The following KIAA0825 variants were observed in gnomAD, a reference collection of about 807,000 sequenced individuals.
KIAA0825 encodes the protein KIAA0825.
Under a neutral mutation model 147.6 loss-of-function variants are expected in KIAA0825, and 119 were observed. That is an observed-to-expected ratio of 0.81 (90% CI 0.69 to 0.94). The LOEUF (loss-of-function observed/expected upper bound fraction) is 0.94, where lower values mean the gene tolerates loss of function less well. Among genes scored for constraint, KIAA0825 ranks in the 40% least tolerant of loss-of-function variants. KIAA0825 has a pLI of 0.00. For missense variants in KIAA0825, 1,381 were observed against 1,472.7 expected, an observed-to-expected ratio of 0.94 and a Z score of 1.02; for synonymous variants, 470 against 518.1, an observed-to-expected ratio of 0.91 and a Z score of 1.26.
intron 1 of KIAA0825, chr5:94,615,842 G>C (rs1162505664): frequency 6.6e-6 from 1 of 151,894 alleles, no homozygotes; most frequent in Admixed American, 6.6e-5. Flanking sequence ...ATTTTTTAGA[G>C]ACAGGGTCTT....
At chr5:94,520,037 T>C in intron 5 of KIAA0825, 1 of 1,131,348 alleles carries the variant, frequency 8.8e-7, no homozygotes, top group Non-Finnish European at 1.1e-6. Context: ...ATATTTCCAA[T>C]ATCTTTAACA....
chr5:94,519,533 G>T (rs985200324), intron 5 of KIAA0825: 4 of 652,246 alleles, frequency 6.1e-6, no homozygotes, highest in Non-Finnish European at 7.6e-6. Flanking sequence ...GAATAAAATA[G>T]AAATTTTCAA....
At chr5:94,280,985 C>T (rs898480871) in intron 20 of KIAA0825, among the ~76,000 whole-genome samples, 4 of 152,090 alleles carry the variant, frequency 2.6e-5, no homozygotes, top group Non-Finnish European at 5.9e-5. Flanking sequence ...TCAGTTTGTG[C>T]CCATACTATA....
chr5:94,524,084 A>G lies in KIAA0825; in HGVS notation c.146T>C (p.Ile49Thr). 6.2e-7 allele frequency: 1 copy of G among 1,606,622 alleles called. No individual in the cohort carries two copies. ...GTTAATTTCGGACTGTATCTCTTTA[A>G]TGCAATGTTTTATGCTATAAAAAAC... is the stretch of plus-strand genomic sequence containing the variant. ...EQNAASIKHC[I>T]KEIQSEINKQ... The change falls in exon 4 of 21, where the codon ATT (isoleucine) becomes ACT (threonine). Residue 49 changes from isoleucine (I) to threonine (T), a missense_variant. Ile to Thr is a moderately conservative substitution (Grantham distance 89, BLOSUM62 -1). Transcript: ENST00000682413.
chr5:94,409,468 G>A (rs1349011097), intron 15 of KIAA0825, among the ~76,000 whole-genome samples: 1 of 152,196 alleles, frequency 6.6e-6, no homozygotes, highest in Non-Finnish European at 1.5e-5. Flanking sequence ...TGAAGAGTCA[G>A]AGGAGGATGA....
At chr5:94,501,138 CAA>C (rs1342600962) in intron 5 of KIAA0825, among the ~76,000 whole-genome samples, 2 of 152,096 alleles carry the variant, frequency 1.3e-5, no homozygotes, top group African/African-American at 4.8e-5. Context: ...AAAGATAAAA[CAA>C]AGTGTTCATT....
At chr5:94,330,759 T>A (rs920698154) in intron 20 of KIAA0825, among the ~76,000 whole-genome samples, 2 of 151,538 alleles carry the variant, frequency 1.3e-5, no homozygotes, top group Non-Finnish European at 2.9e-5. Flanking sequence ...TTTAAAAGGG[T>A]TGCTTAAATT....
At chr5:94,440,750 T>C (rs1756972159) in intron 13 of KIAA0825, among the ~76,000 whole-genome samples, 1 of 152,018 alleles carries the variant, frequency 6.6e-6, no homozygotes, top group African/African-American at 2.4e-5. Context: ...ATTATCAGTG[T>C]TGAACAGAAA....
intron 17 of KIAA0825, among the ~76,000 whole-genome samples, chr5:94,395,175 A>C (rs1369969316): frequency 6.6e-6 from 1 of 152,200 alleles, no homozygotes; most frequent in Non-Finnish European, 1.5e-5. Flanking sequence ...AACTTGCACA[A>C]GATGACCCAT....
intron 20 of KIAA0825, among the ~76,000 whole-genome samples, chr5:94,344,854 C>G (rs1485008454): frequency 6.6e-6 from 1 of 152,054 alleles, no homozygotes; most frequent in Non-Finnish European, 1.5e-5. Flanking sequence ...CATGGGGTAC[C>G]TAGAGTGGTC....
chr5:94,602,516 T>C (rs575416583), intron 1 of KIAA0825, among the ~76,000 whole-genome samples: 2 of 152,154 alleles, frequency 1.3e-5, no homozygotes, highest in African/African-American at 4.8e-5. Context: ...AATCCCAACG[T>C]GTTGTTGAGA....
At chr5:94,450,410 T>C (rs2150897415) in intron 13 of KIAA0825, among the ~76,000 whole-genome samples, 1 of 148,740 alleles carries the variant, frequency 6.7e-6, no homozygotes, top group South Asian at 2.2e-4. Context: ...GAGACTGTCT[T>C]AGTCCATTTT....
intron 1 of KIAA0825, among the ~76,000 whole-genome samples, chr5:94,595,690 G>C (rs1402950469): frequency 1.3e-5 from 2 of 152,184 alleles, no homozygotes. Context: ...AGGCTACAAA[G>C]TTTCCAAACT....
At chr5:94,461,670 T>C (rs959326196) in intron 12 of KIAA0825, among the ~76,000 whole-genome samples, 3 of 151,864 alleles carry the variant, frequency 2.0e-5, no homozygotes, top group Non-Finnish European at 4.4e-5. Context: ...TGTATGTCGC[T>C]TTTACCAGAA....
chr5:94,197,640 A>AT (rs1459034242), intron 20 of KIAA0825, among the ~76,000 whole-genome samples: 5 of 151,974 alleles, frequency 3.3e-5, no homozygotes, highest in East Asian at 3.9e-4. Flanking sequence ...TCATGAGTTG[A>AT]TTTTTTTGTG....
intron 20 of KIAA0825, among the ~76,000 whole-genome samples, chr5:94,227,563 T>C (rs1455757954): frequency 1.4e-5 from 2 of 144,182 alleles, no homozygotes; most frequent in African/African-American, 5.1e-5. Flanking sequence ...TAAAATAAAA[T>C]AAAAAAGAAA....
At chr5:94,463,784 G>A (rs1760123436) in intron 11 of KIAA0825, among the ~76,000 whole-genome samples, 1 of 151,118 alleles carries the variant, frequency 6.6e-6, no homozygotes, top group Non-Finnish European at 1.5e-5. Context: ...TATTTCATGA[G>A]GTAACAGTAA....
intron 5 of KIAA0825, among the ~76,000 whole-genome samples, chr5:94,516,305 T>C (rs1767219316): frequency 6.6e-6 from 1 of 152,034 alleles, no homozygotes; most frequent in Non-Finnish European, 1.5e-5. Context: ...GGCCAACTGG[T>C]AGAATAACAT....
chr5:94,450,002 C>T (rs1444384377), intron 13 of KIAA0825, among the ~76,000 whole-genome samples: 1 of 151,910 alleles, frequency 6.6e-6, no homozygotes, highest in African/African-American at 2.4e-5. Flanking sequence ...ATCGCTTGAA[C>T]CTGGGAGGCA....
Sources: allele counts gnomAD v4.1 joint callset (sites outside exome capture counted in the v4.1 genomes callset), GRCh38; gene constraint gnomAD v4.1.1; transcripts MANE v1.5; gene names NCBI Gene and HGNC (gene_info 2026-07-23, HGNC 2026-07-21).